ECE1: variants seen among roughly 807,000 people sequenced by gnomAD.
ECE1 encodes the protein endothelin converting enzyme 1.
Under a neutral mutation model 98.6 loss-of-function variants are expected in ECE1, and 35 were observed. The observed-to-expected ratio is 0.35, with a 90% CI of 0.27 to 0.47. The LOEUF (loss-of-function observed/expected upper bound fraction) is 0.47, where lower values mean the gene tolerates loss of function less well. ECE1 is among the 20% of genes least tolerant of loss of function. ECE1 has a pLI of 1.00. For missense variants in ECE1, 814 were observed against 1,025.3 expected (o/e 0.79, Z 2.81); for synonymous variants, 394 against 407.1 (o/e 0.97, Z 0.39).
chr1:21,260,557 G>C lies in ECE1; in HGVS notation c.494-165C>G, dbSNP rs1244448325. 6.6e-6 allele frequency among the ~76,000 whole-genome samples: 1 copy of C among 152,124 alleles called. No individual in the cohort carries two copies. The highest frequency in any genetic ancestry group is 1.5e-5 in the Non-Finnish European group (1 of 68,024). ...AATGCCGTCACCGTGAGTATGTGAG[G>C]GCCCCTGGACAGAGCCTGGCAAGCT... On this transcript the variant is annotated intron_variant, in intron 4 of 18. Coordinates refer to ENST00000374893, the MANE Select transcript of ECE1 (RefSeq NM_001397.3). This position sits in a 1 kb window ranked among gnomAD's most constrained non-coding sequence, Gnocchi z 4.3.
At chr1:21,301,176 CTA>C (rs1389447439) in intron 1 of ECE1, among the ~76,000 whole-genome samples, 1 of 152,142 alleles carries the variant, frequency 6.6e-6, no homozygotes, top group Non-Finnish European at 1.5e-5. Flanking sequence ...TGGCTTGGGG[CTA>C]TGTCTGACTT....
chr1:21,299,363 T>C (rs758410226), intron 1 of ECE1: 5 of 157,704 alleles, frequency 3.2e-5, no homozygotes, highest in Admixed American at 6.1e-5. Flanking sequence ...TGTACTGTTA[T>C]CTCTCTTCTA....
At chr1:21,229,722 T>C (rs2098179313) in intron 14 of ECE1, among the ~76,000 whole-genome samples, 1 of 152,194 alleles carries the variant, frequency 6.6e-6, no homozygotes, top group African/African-American at 2.4e-5. Flanking sequence ...TTTTTGCTAT[T>C]GTATATTGGA....
intron 8 of ECE1, among the ~76,000 whole-genome samples, chr1:21,248,518 T>C (rs2098207299): frequency 6.6e-6 from 1 of 152,108 alleles, no homozygotes; most frequent in Admixed American, 6.6e-5. Flanking sequence ...CGCTCGCGCC[T>C]GGGGCTTCCT....
intron 2 of ECE1, among the ~76,000 whole-genome samples, chr1:21,285,485 T>C (rs1024464379): frequency 2.0e-5 from 3 of 152,016 alleles, no homozygotes; most frequent in African/African-American, 7.2e-5. Flanking sequence ...TAAACAGACA[T>C]GTCTTTTTAA....
At chr1:21,326,517 GA>G (rs1639081658) in intron 1 of ECE1, among the ~76,000 whole-genome samples, 1 of 151,938 alleles carries the variant, frequency 6.6e-6, no homozygotes, top group African/African-American at 2.4e-5. Context: ...AACCTAGTGA[GA>G]AAAAAGGGGG....
In ECE1 at chr1:21,290,244, C is replaced by T; in HGVS notation, c.52-88G>A. On this transcript the variant is annotated intron_variant, in intron 1 of 18. Transcript: ENST00000374893. This position sits in a 1 kb window ranked among gnomAD's most constrained non-coding sequence, Gnocchi z 7.3. ...GAAGCGGCCCCGACCCTGGCGCCGC[C>T]GCCGCCGCGCCCCGCCCCGGCCTGG... 1.5e-6 allele frequency: 2 copies of T among 1,376,938 alleles called. No individual in the cohort carries two copies. The highest frequency in any genetic ancestry group is 1.9e-6 in the Non-Finnish European group (2 of 1,058,872). The allele number at this position is 1,376,938 out of a possible 1,614,324, so 85.3% of individuals were successfully genotyped here.
intron 7 of ECE1, 151 bp downstream of exon 7, chr1:21,257,374 C>A: frequency 1.2e-6 from 1 of 816,896 alleles, no homozygotes; most frequent in Non-Finnish European, 2.1e-6. Flanking sequence ...TAGGGGTGTC[C>A]CTCCCCTGCC....
chr1:21,286,596 T>C (rs747971839), intron 2 of ECE1, among the ~76,000 whole-genome samples: 2 of 152,198 alleles, frequency 1.3e-5, no homozygotes, highest in Non-Finnish European at 2.9e-5. Flanking sequence ...AGTGACTCAC[T>C]TTAGTAGACT....
Position 21,332,994 on chromosome 1 carries a change from C to G in ECE1, c.3+12382G>C, listed in dbSNP as rs552768621. Reference sequence around the variant, plus strand: ...TGCACCATGCATGCTCTGAGTGCTGCTCCTCTCACTGAATATTTGCAGTCT... The same window carrying G: ...TGCACCATGCATGCTCTGAGTGCTGGTCCTCTCACTGAATATTTGCAGTCT... On this transcript the variant is annotated intron_variant, in intron 1 of 18. Transcript: ENST00000415912. Among the ~76,000 whole-genome samples the G allele has an allele frequency of 4.6e-5, 7 of 152,284 alleles. No individual in the cohort carries two copies. The East Asian group carries it at 1.4e-3, about 29-fold the overall frequency.
intron 8 of ECE1, among the ~76,000 whole-genome samples, chr1:21,249,457 A>G (rs558678759): frequency 5.9e-5 from 9 of 152,026 alleles, no homozygotes; most frequent in Admixed American, 1.3e-4. Flanking sequence ...GCACTTTGGG[A>G]GACTGAGGTG....
At position 21,251,627 on chromosome 1, in the gene ECE1, G is replaced by T. The variant is rs544283271; in HGVS notation, c.1021-4264C>A. ...GGAGCTGGTAAGAGATGTGCGCAGC[G>T]GACTTGGGGGCCAGGGGGCTCCAGT... On this transcript the variant is annotated intron_variant, in intron 8 of 18. Coordinates refer to ENST00000374893, the MANE Select transcript of ECE1 (RefSeq NM_001397.3). Among the ~76,000 whole-genome samples, 3 of 152,218 alleles carry T rather than the reference G, an allele frequency of 2.0e-5. No homozygotes were observed. In the East Asian group the frequency reaches 5.8e-4, roughly 29 times the overall value.
At chr1:21,289,474 C>T (rs2098264096) in intron 2 of ECE1, among the ~76,000 whole-genome samples, 1 of 152,078 alleles carries the variant, frequency 6.6e-6, no homozygotes, top group Non-Finnish European at 1.5e-5. Flanking sequence ...GGCGGAGACC[C>T]TGGGGAGGGG....
At chr1:21,298,551 C>T in intron 1 of ECE1, 2 of 348,094 alleles carry the variant, frequency 5.7e-6, no homozygotes, top group South Asian at 2.2e-5. Flanking sequence ...ACGGAAAGGC[C>T]TCAGCCCAGT....
chr1:21,241,575 A>G (rs1290555719), intron 10 of ECE1, among the ~76,000 whole-genome samples: 1 of 151,944 alleles, frequency 6.6e-6, no homozygotes, highest in Non-Finnish European at 1.5e-5. Context: ...GGTGTGTGTC[A>G]CTACACCTGG....
In ECE1 at chr1:21,327,706, TCCAG is replaced by T. The variant is rs1399868073; in HGVS notation, c.3+17666_3+17669del. ...CTTCAGCTTCACCCTTCCTCTCTAC[TCCAG>T]CTACACAGCTGGGGTCCCCAGCCCC... On this transcript the variant is annotated intron_variant, in intron 1 of 18. Coordinates refer to the ECE1 transcript ENST00000415912. This position sits in a 1 kb window ranked among gnomAD's most constrained non-coding sequence, Gnocchi z 4.6. Among the ~76,000 whole-genome samples the T allele has an allele frequency of 1.3e-5, 2 of 152,132 alleles. No homozygotes were observed. The highest frequency in any genetic ancestry group is 4.8e-5 in the African/African-American group (2 of 41,418).
chr1:21,337,229 A>G (rs1465323360), intron 1 of ECE1, among the ~76,000 whole-genome samples: 2 of 152,194 alleles, frequency 1.3e-5, no homozygotes, highest in Admixed American at 1.3e-4. Context: ...ACATCCACCC[A>G]ATGCGGCACG....
chr1:21,310,717 C>T (rs1432808310), intron 1 of ECE1, among the ~76,000 whole-genome samples: 3 of 152,078 alleles, frequency 2.0e-5, no homozygotes, highest in Admixed American at 6.5e-5. Flanking sequence ...TGCCACTGGA[C>T]GATGAAGTCT....
chr1:21,339,443 C>G (rs1020528071), intron 1 of ECE1, among the ~76,000 whole-genome samples: 1 of 152,112 alleles, frequency 6.6e-6, no homozygotes. Flanking sequence ...CTAGAGGAAT[C>G]GGGGAGCCAC....
Sources: gnomAD v4.1 joint callset for allele counts (sites outside exome capture counted in the v4.1 genomes callset) on GRCh38, gnomAD v4.1.1 for gene constraint, Gnocchi (gnomAD v3.1) non-coding constraint, MANE v1.5 for transcripts, NCBI Gene and HGNC (gene_info 2026-07-23, HGNC 2026-07-21) for gene names.